Variants in MEIKIN observed in about 807,000 individuals in gnomAD.
The protein encoded by MEIKIN is meiotic kinetochore factor, also known as meiosis-specific kinetochore protein.
intron 9 of MEIKIN, among the ~76,000 whole-genome samples, chr5:131,870,379 TCTC>T (rs1162669973): frequency 6.6e-6 from 1 of 152,166 alleles, no homozygotes; most frequent in Non-Finnish European, 1.5e-5. Flanking sequence ...TGTTTATTTT[TCTC>T]CTCTTCTCCA....
At chr5:131,843,549 C>A (rs1215096774) in intron 11 of MEIKIN, among the ~76,000 whole-genome samples, 1 of 152,212 alleles carries the variant, frequency 6.6e-6, no homozygotes, top group Non-Finnish European at 1.5e-5. Flanking sequence ...TAAATTATTT[C>A]TCTCAAGTTC....
chr5:131,887,284 A>G (rs1290731557), intron 8 of MEIKIN, among the ~76,000 whole-genome samples: 1 of 152,134 alleles, frequency 6.6e-6, no homozygotes, highest in Non-Finnish European at 1.5e-5. Context: ...GAGTGCTGCA[A>G]TAAACATATT....
At chr5:131,879,539 C>T (rs1401524316) in intron 8 of MEIKIN, among the ~76,000 whole-genome samples, 1 of 152,240 alleles carries the variant, frequency 6.6e-6, no homozygotes, top group East Asian at 1.9e-4. Context: ...CATTCTCAAG[C>T]CTGTTTCATC....
intron 12 of MEIKIN, among the ~76,000 whole-genome samples, chr5:131,818,310 C>T (rs1262844024): frequency 2.0e-5 from 3 of 152,092 alleles, no homozygotes; most frequent in African/African-American, 7.2e-5. Flanking sequence ...AGAAAGTATC[C>T]TGGATAAATA....
At chr5:131,812,963 G>A (rs1773025018) in intron 12 of MEIKIN, among the ~76,000 whole-genome samples, 1 of 152,210 alleles carries the variant, frequency 6.6e-6, no homozygotes, top group South Asian at 2.1e-4. Context: ...AAGTTACCAT[G>A]TGACCCACAC....
At chr5:131,896,216 T>C (rs1751048209) in intron 8 of MEIKIN, among the ~76,000 whole-genome samples, 1 of 152,226 alleles carries the variant, frequency 6.6e-6, no homozygotes, top group Non-Finnish European at 1.5e-5. Flanking sequence ...TTCTTAATCA[T>C]GAGTTCTAAT....
chr5:131,878,717 A>T (rs1447497294), intron 9 of MEIKIN, among the ~76,000 whole-genome samples: 1 of 152,028 alleles, frequency 6.6e-6, no homozygotes, highest in Non-Finnish European at 1.5e-5. Flanking sequence ...AAAAAAATTT[A>T]AAAATTAGCT....
At chr5:131,912,045 T>C (rs1751341972) in intron 7 of MEIKIN, among the ~76,000 whole-genome samples, 166 bp from the exon 8 acceptor site, 1 of 152,022 alleles carries the variant, frequency 6.6e-6, no homozygotes, top group Admixed American at 6.6e-5. Context: ...GAACAAATAG[T>C]TTAATAAAAA....
At chr5:131,917,994 C>T (rs1043213344) in intron 6 of MEIKIN, among the ~76,000 whole-genome samples, 3 of 152,150 alleles carry the variant, frequency 2.0e-5, no homozygotes, top group Admixed American at 2.0e-4. Flanking sequence ...GAGAGCCCTG[C>T]ATCTCGCTGG....
chr5:131,810,607 G>A (rs924115078), intron 12 of MEIKIN, among the ~76,000 whole-genome samples: 1 of 152,198 alleles, frequency 6.6e-6, no homozygotes, highest in African/African-American at 2.4e-5. Flanking sequence ...CTTTCAAAAT[G>A]CAGGTTCCTG....
At chr5:131,842,798 G>T (rs1749938834) in intron 11 of MEIKIN, among the ~76,000 whole-genome samples, 1 of 152,024 alleles carries the variant, frequency 6.6e-6, no homozygotes, top group Non-Finnish European at 1.5e-5. Flanking sequence ...TTATGCTTTG[G>T]ATATCATGCT....
intron 10 of MEIKIN, 104 bp downstream of exon 10, chr5:131,854,650 A>T (rs2149616441): frequency 2.5e-6 from 1 of 392,940 alleles, no homozygotes; most frequent in East Asian, 3.6e-5. Flanking sequence ...AAACACAGAT[A>T]TTATTCTCCA....
At chr5:131,887,608 T>C (rs955153200) in intron 8 of MEIKIN, among the ~76,000 whole-genome samples, 11 of 152,208 alleles carry the variant, frequency 7.2e-5, no homozygotes, top group South Asian at 6.2e-4. Flanking sequence ...CATTATTTCA[T>C]GTGTCTGTTG....
At chr5:131,894,113 A>C (rs1210716643) in intron 8 of MEIKIN, among the ~76,000 whole-genome samples, 1 of 152,214 alleles carries the variant, frequency 6.6e-6, no homozygotes, top group East Asian at 1.9e-4. Context: ...AGCTTTCTAC[A>C]TATGGCTAGC....
intron 9 of MEIKIN, among the ~76,000 whole-genome samples, chr5:131,877,293 GC>G (rs1214253162): frequency 6.6e-6 from 1 of 151,660 alleles, no homozygotes; most frequent in Non-Finnish European, 1.5e-5. Flanking sequence ...ATTAATGAAA[GC>G]TACTCAAAAA....
intron 11 of MEIKIN, among the ~76,000 whole-genome samples, chr5:131,824,091 A>G (rs1580859949): frequency 1.3e-5 from 2 of 152,200 alleles, no homozygotes; most frequent in African/African-American, 4.8e-5. Context: ...ACCACCACCA[A>G]TGGGACTAAG....
At chr5:131,890,444 T>C (rs1750889622) in intron 8 of MEIKIN, among the ~76,000 whole-genome samples, 1 of 151,850 alleles carries the variant, frequency 6.6e-6, no homozygotes, top group South Asian at 2.1e-4. Flanking sequence ...TCGAGGAACT[T>C]ATCCATTTAT....
chr5:131,886,134 T>C (rs933206427), intron 8 of MEIKIN, among the ~76,000 whole-genome samples: 5 of 152,018 alleles, frequency 3.3e-5, no homozygotes, highest in Admixed American at 1.3e-4. Context: ...GAAAAAAGAA[T>C]AAAAAACAAC....
chr5:131,927,941 C>T (rs1206864454), intron 5 of MEIKIN, among the ~76,000 whole-genome samples: 5 of 151,790 alleles, frequency 3.3e-5, no homozygotes, highest in Non-Finnish European at 7.4e-5. Flanking sequence ...GTCAGGAGAT[C>T]GAGACCATCC....
Sources: allele counts gnomAD v4.1 joint callset (sites outside exome capture counted in the v4.1 genomes callset), GRCh38; gene constraint gnomAD v4.1.1; transcripts MANE v1.5; gene names NCBI Gene and HGNC (gene_info 2026-07-23, HGNC 2026-07-21).